Variants in TK2 observed in about 807,000 individuals in gnomAD.
The protein encoded by TK2 is thymidine kinase 2, also known as thymidine kinase 2, mitochondrial.
Under a neutral mutation model 41.9 loss-of-function variants are expected in TK2, and 35 were observed. The observed-to-expected ratio is 0.84, with a 90% CI of 0.64 to 1.11. The LOEUF (loss-of-function observed/expected upper bound fraction) is 1.11. Ranked by LOEUF, TK2 falls within the 50% of genes least tolerant of loss-of-function variation. TK2 has a pLI of 0.00. For synonymous variants in TK2, 128 were observed against 129.1 expected, an observed-to-expected ratio of 0.99 and a Z score of 0.06; for missense variants, 320 against 351.1, an observed-to-expected ratio of 0.91 and a Z score of 0.71.
At chr16:66,513,698 C>G (rs1349354491) in intron 9 of TK2, 33 bp downstream of exon 9, 1 of 1,599,622 alleles carries the variant, frequency 6.3e-7, no homozygotes, top group East Asian at 2.2e-5. Flanking sequence ...CTTTCTAGAA[C>G]AGTCTCGTAC....
intron 6 of TK2, among the ~76,000 whole-genome samples, chr16:66,528,118 G>C (rs1039387435): frequency 6.6e-6 from 1 of 152,170 alleles, no homozygotes; most frequent in Non-Finnish European, 1.5e-5. Flanking sequence ...AGGGCTGGGA[G>C]ACAGGGTGGC....
In TK2 at chr16:66,511,728, G is replaced by A. The variant is rs1043386728; in HGVS notation, c.*240C>T. Reference sequence around the variant, plus strand: ...AGCACAAAGCCATGGGAGAGGCACCGGGGGAATGTGAGGCTGCGAACAGCA... The same window carrying A: ...AGCACAAAGCCATGGGAGAGGCACCAGGGGAATGTGAGGCTGCGAACAGCA... On this transcript the variant is annotated 3_prime_UTR_variant, in exon 10 of 10. Coordinates refer to ENST00000544898, the MANE Select transcript of TK2 (RefSeq NM_004614.5). The A allele has an allele frequency of 5.1e-5, 30 of 582,656 alleles. No homozygotes were observed. In the Middle Eastern group the frequency reaches 1.4e-3, roughly 27 times the overall value. The allele number at this position is 582,656 out of a possible 1,614,324, so 36.1% of individuals were successfully genotyped here.
At chr16:66,523,578 C>T (rs1319319198) in intron 6 of TK2, among the ~76,000 whole-genome samples, 3 of 152,212 alleles carry the variant, frequency 2.0e-5, no homozygotes, top group Admixed American at 1.3e-4. Context: ...CCTATAATCC[C>T]AACACTTTGG....
intron 1 of TK2, 199 bp downstream of exon 1, chr16:66,549,739 A>C: frequency 7.8e-7 from 1 of 1,279,052 alleles, no homozygotes; most frequent in South Asian, 2.9e-5. Context: ...CCAGAACCAA[A>C]GCCGAGCGCC....
At chr16:66,521,516 T>C (rs1348827183) in intron 6 of TK2, among the ~76,000 whole-genome samples, 5 of 152,192 alleles carry the variant, frequency 3.3e-5, no homozygotes, top group Non-Finnish European at 7.3e-5. Flanking sequence ...TTGAAAACCC[T>C]TCCATGACTA....
intron 6 of TK2, 69 bp downstream of exon 6, chr16:66,528,925 A>G: frequency 6.8e-7 from 1 of 1,464,162 alleles, no homozygotes; most frequent in South Asian, 1.1e-5. Flanking sequence ...TCAATCGAAT[A>G]AACAAGTTTC....
chr16:66,537,805 A>G (rs1054952365), intron 3 of TK2, among the ~76,000 whole-genome samples: 7 of 152,220 alleles, frequency 4.6e-5, no homozygotes, highest in Admixed American at 6.5e-5. Flanking sequence ...CTTTCAGAGT[A>G]CATGTGAGAA....
chr16:66,549,358 G>A, intron 1 of TK2: 11 of 1,139,214 alleles, frequency 9.7e-6, no homozygotes, highest in Non-Finnish European at 1.2e-5. Flanking sequence ...AAGAGTGGGC[G>A]GCGGACGTGG....
chr16:66,516,835 G>A (rs1964629718), intron 8 of TK2, among the ~76,000 whole-genome samples: 1 of 147,428 alleles, frequency 6.8e-6, no homozygotes, highest in Admixed American at 6.7e-5. Context: ...AGGCAGAACA[G>A]ACAAGCCCTG....
At chr16:66,531,644 A>C (rs1369459637) in intron 4 of TK2, among the ~76,000 whole-genome samples, 175 bp from the exon 5 acceptor site, 1 of 152,186 alleles carries the variant, frequency 6.6e-6, no homozygotes, top group Non-Finnish European at 1.5e-5. Flanking sequence ...CAGACACTGA[A>C]ACAATTATAG....
intron 4 of TK2, 77 bp downstream of exon 4, chr16:66,536,887 G>A (rs1460327228): frequency 6.5e-7 from 1 of 1,538,666 alleles, no homozygotes; most frequent in Non-Finnish European, 9.0e-7. Flanking sequence ...TGGGCAGGCA[G>A]GGCTCAGGCA....
At chr16:66,529,735 A>G (rs557189678) in intron 5 of TK2, among the ~76,000 whole-genome samples, 61 of 152,308 alleles carry the variant, frequency 4.0e-4, no homozygotes, top group African/African-American at 1.4e-3. Flanking sequence ...CATGGCCCAC[A>G]GCACCCATGG....
In TK2 at chr16:66,536,990, T is replaced by C. The variant is rs1280513552; in HGVS notation, c.259A>G (p.Arg87Gly). 6.2e-7 allele frequency: 1 copy of C among 1,614,058 alleles called. No individual in the cohort carries two copies. Among genetic ancestry groups the C allele is most frequent in the Non-Finnish European group, 8.5e-7 (1 of 1,180,008 alleles). The change falls in exon 4 of 10, where the codon AGA (arginine) becomes GGA (glycine). Residue 87 changes from arginine to glycine, a missense_variant. Coordinates refer to ENST00000544898, the MANE Select transcript of TK2 (RefSeq NM_004614.5). ...AGAGGATTGTGGCCACGGACATTTC[T>C]CCACTTGGACACAGGCTCCGTTAAC... ...EVLTEPVSKWRNVRGHNPLGL... is the reference protein window; with the variant it reads ...EVLTEPVSKWGNVRGHNPLGL...
chr16:66,549,202 T>G (rs562747559), intron 1 of TK2, 193 bp from the exon 2 acceptor site: 88 of 1,447,618 alleles, frequency 6.1e-5, no homozygotes, highest in Admixed American at 1.4e-4. Context: ...GGGCTGCAGC[T>G]GCAGCTTCGT....
At chr16:66,518,102 C>T (rs577279365) in intron 6 of TK2, 7 of 578,688 alleles carry the variant, frequency 1.2e-5, no homozygotes, top group South Asian at 1.1e-4. Flanking sequence ...AGGGCCATGG[C>T]ACGGAGTGAT....
chr16:66,536,818 C>T, intron 4 of TK2, 146 bp downstream of exon 4: 1 of 962,574 alleles, frequency 1.0e-6, no homozygotes, highest in Non-Finnish European at 1.7e-6. Context: ...AACATGCCAC[C>T]ATTTTCTGCT....
chr16:66,519,548 C>A (rs1227631026), intron 6 of TK2, among the ~76,000 whole-genome samples: 1 of 152,118 alleles, frequency 6.6e-6, no homozygotes, highest in Non-Finnish European at 1.5e-5. Flanking sequence ...GAAGAACGAG[C>A]CAGGGTGAAG....
chr16:66,544,608 A>G (rs1965549721), intron 2 of TK2, among the ~76,000 whole-genome samples: 1 of 152,204 alleles, frequency 6.6e-6, no homozygotes, highest in South Asian at 2.1e-4. Flanking sequence ...GTGGGAGCAC[A>G]TGGCCGGCCT....
intron 5 of TK2, 69 bp from the exon 6 acceptor site, chr16:66,529,136 G>A: frequency 1.4e-6 from 2 of 1,423,740 alleles, no homozygotes; most frequent in South Asian, 2.3e-5. Context: ...CTTGAGAAAT[G>A]TCTGTTACTC....
Sources: allele counts gnomAD v4.1 joint callset (sites outside exome capture counted in the v4.1 genomes callset), GRCh38; gene constraint gnomAD v4.1.1; transcripts MANE v1.5; gene names NCBI Gene and HGNC (gene_info 2026-07-23, HGNC 2026-07-21).